Variants in ZCWPW2 observed in about 807,000 individuals in gnomAD.
ZCWPW2 encodes zinc finger CW-type and PWWP domain containing 2.
In ZCWPW2, 45 loss-of-function variants were observed where a neutral mutation model predicts 46.6. That is an observed-to-expected ratio of 0.96 (90% confidence interval 0.76 to 1.24). The LOEUF is 1.24. ZCWPW2 is among the 50% of genes most tolerant of loss of function. The probability of loss-of-function intolerance (pLI) is 0.00; values close to 1 mark genes in which losing one functional copy is unlikely to be tolerated. For missense variants in ZCWPW2, 429 were observed against 403.9 expected, an observed-to-expected ratio of 1.06 and a Z score of -0.53; for synonymous variants, 152 against 137.1, an observed-to-expected ratio of 1.11 and a Z score of -0.76.
At chr3:28,409,686 A>G (rs1169687256) in intron 2 of ZCWPW2, among the ~76,000 whole-genome samples, 1 of 152,174 alleles carries the variant, frequency 6.6e-6, no homozygotes, top group Non-Finnish European at 1.5e-5. Context: ...TAAATCATGT[A>G]TTAAGAGTAG....
intron 9 of ZCWPW2, among the ~76,000 whole-genome samples, chr3:28,522,031 G>A (rs191921827): frequency 1.4e-4 from 22 of 152,138 alleles, no homozygotes; most frequent in Middle Eastern, 6.8e-3. Flanking sequence ...AACAAACACC[G>A]CATGTTCTCA....
At chr3:28,405,813 G>A (rs908346492) in intron 2 of ZCWPW2, among the ~76,000 whole-genome samples, 4 of 152,122 alleles carry the variant, frequency 2.6e-5, no homozygotes, top group Admixed American at 2.0e-4. Context: ...GGCCCAGAAA[G>A]AAAAGAGGAG....
chr3:28,464,182 G>A (rs73822640), intron 4 of ZCWPW2, among the ~76,000 whole-genome samples: 3,107 of 151,896 alleles, frequency 0.02, 106 homozygotes, highest in African/African-American at 0.062. Flanking sequence ...TGGAGCTTGA[G>A]CAATACAGTA....
chr3:28,414,448 GT>G (rs890703820), intron 3 of ZCWPW2, among the ~76,000 whole-genome samples: 1 of 151,026 alleles, frequency 6.6e-6, no homozygotes, highest in African/African-American at 2.4e-5. Flanking sequence ...CATCAACCAG[GT>G]TTTTTTTTAA....
intron 3 of ZCWPW2, 55 bp downstream of exon 3, chr3:28,413,455 A>C: frequency 1.4e-6 from 2 of 1,397,554 alleles, no homozygotes; most frequent in Non-Finnish European, 1.9e-6. Context: ...AGGTTTATGA[A>C]TATTAAAAAT....
intron 5 of ZCWPW2, among the ~76,000 whole-genome samples, chr3:28,484,990 G>A (rs1699547966): frequency 6.6e-6 from 1 of 151,888 alleles, no homozygotes; most frequent in Admixed American, 6.6e-5. Flanking sequence ...TAAAAGCTTA[G>A]ATTATTGATT....
At position 28,348,806 on chromosome 3, in the gene ZCWPW2, C is replaced by G. The variant is rs926812295; in HGVS notation, c.-531C>G. On this transcript the variant is annotated 5_prime_UTR_variant, in exon 1 of 10. Coordinates refer to ENST00000383768, the MANE Select transcript of ZCWPW2 (RefSeq NM_001040432.4). ...CATTTCTTCTGACTCGGCAGGAGCCCGGGACGTTCTGGAAGGAGGGACGAG... is the reference window on the plus strand; with the variant it reads ...CATTTCTTCTGACTCGGCAGGAGCCGGGGACGTTCTGGAAGGAGGGACGAG... 23 of 277,994 alleles carry G rather than the reference C, an allele frequency of 8.3e-5. No individual in the cohort carries two copies. The highest frequency in any genetic ancestry group is 1.2e-4 in the Non-Finnish European group (22 of 182,874). The allele number at this position is 277,994 out of a possible 1,614,324, so 17.2% of individuals were successfully genotyped here.
At chr3:28,465,943 T>C (rs970669637) in intron 4 of ZCWPW2, among the ~76,000 whole-genome samples, 3 of 152,142 alleles carry the variant, frequency 2.0e-5, no homozygotes, top group African/African-American at 7.2e-5. Context: ...CCATCATTGG[T>C]AGGCTGGATA....
At chr3:28,403,844 C>G (rs1696045758) in intron 2 of ZCWPW2, among the ~76,000 whole-genome samples, 1 of 152,076 alleles carries the variant, frequency 6.6e-6, no homozygotes, top group African/African-American at 2.4e-5. Flanking sequence ...TAGCCACATG[C>G]AGGAGGATGA....
intron 2 of ZCWPW2, among the ~76,000 whole-genome samples, chr3:28,398,763 C>T (rs533955890): frequency 3.4e-4 from 52 of 152,202 alleles, no homozygotes; most frequent in African/African-American, 9.9e-4. Context: ...ACAGGGGTAG[C>T]GGAAGCAGCA....
chr3:28,503,530 T>C lies in ZCWPW2; in HGVS notation c.658-10534T>C, dbSNP rs78003916. ...AAAACCAGTATTACCAATCAATAGG[T>C]TATTGATATAATATAGAATAGGAAT... On this transcript the variant is annotated intron_variant, in intron 6 of 9. Coordinates refer to ENST00000383768, the MANE Select transcript of ZCWPW2 (RefSeq NM_001040432.4). 2.1e-3 allele frequency among the ~76,000 whole-genome samples: 319 copies of C among 152,190 alleles called. 3 individuals carry two copies. Among genetic ancestry groups the C allele is most frequent in the African/African-American group, 7.3e-3 (303 of 41,540 alleles).
chr3:28,421,654 C>G (rs1342313893), intron 3 of ZCWPW2, among the ~76,000 whole-genome samples: 1 of 151,940 alleles, frequency 6.6e-6, no homozygotes, highest in Admixed American at 6.6e-5. Context: ...GCAAGAAACT[C>G]ACTGCCATGT....
chr3:28,408,260 A>G (rs535724958), intron 2 of ZCWPW2, among the ~76,000 whole-genome samples: 2 of 152,270 alleles, frequency 1.3e-5, no homozygotes, highest in South Asian at 2.1e-4. Flanking sequence ...ACATTTTATA[A>G]TAGACTGTCA....
chr3:28,356,490 C>T (rs1704736112), intron 1 of ZCWPW2, among the ~76,000 whole-genome samples: 1 of 152,180 alleles, frequency 6.6e-6, no homozygotes, highest in Non-Finnish European at 1.5e-5. Context: ...TTGATCCAGC[C>T]ATCCCATTAC....
intron 4 of ZCWPW2, 101 bp from the exon 5 acceptor site, chr3:28,478,713 C>T (rs1699318659): frequency 3.9e-6 from 2 of 513,238 alleles, no homozygotes; most frequent in Non-Finnish European, 6.5e-6. Flanking sequence ...ATACGTTATA[C>T]AATGCTCCAA....
intron 4 of ZCWPW2, among the ~76,000 whole-genome samples, chr3:28,438,323 T>G (rs988625065): frequency 2.0e-5 from 3 of 152,164 alleles, no homozygotes; most frequent in Non-Finnish European, 4.4e-5. Context: ...GCACCACCAC[T>G]TTCATTTTTC....
At chr3:28,412,603 T>C (rs1559494319) in intron 2 of ZCWPW2, among the ~76,000 whole-genome samples, 1 of 152,014 alleles carries the variant, frequency 6.6e-6, no homozygotes, top group Non-Finnish European at 1.5e-5. Flanking sequence ...TTTCTTAGCT[T>C]CAGTTTTGTC....
chr3:28,465,111 T>G (rs1327180666), intron 4 of ZCWPW2, among the ~76,000 whole-genome samples: 1 of 152,252 alleles, frequency 6.6e-6, no homozygotes, highest in Non-Finnish European at 1.5e-5. Context: ...TAGTTTTACC[T>G]TATTTATAAA....
At chr3:28,522,979 T>C (rs964565387) in intron 9 of ZCWPW2, among the ~76,000 whole-genome samples, 2 of 152,338 alleles carry the variant, frequency 1.3e-5, no homozygotes, top group Admixed American at 1.3e-4. Flanking sequence ...TTTATAGCGA[T>C]GTCCTGGAGC....
Sources: gnomAD v4.1 joint callset for allele counts (sites outside exome capture counted in the v4.1 genomes callset) on GRCh38, gnomAD v4.1.1 for gene constraint, MANE v1.5 for transcripts, NCBI Gene and HGNC (gene_info 2026-07-23, HGNC 2026-07-21) for gene names.